MSRB3: variants seen among roughly 807,000 people sequenced by gnomAD.
The protein encoded by MSRB3 is methionine sulfoxide reductase B3.
In MSRB3, 13 loss-of-function variants were observed where a neutral mutation model predicts 21.0. The observed-to-expected ratio is 0.62, with a 90% CI of 0.40 to 0.98. The LOEUF is 0.98. MSRB3 is among the 50% of genes least tolerant of loss of function. The probability of loss-of-function intolerance (pLI) is 0.00; values close to 1 mark genes in which losing one functional copy is unlikely to be tolerated. For synonymous variants in MSRB3, 87 were observed against 88.6 expected (o/e 0.98, Z 0.10); for missense variants, 199 against 230.3 (o/e 0.86, Z 0.88).
At chr12:65,321,579 T>C (rs576617366) in intron 2 of MSRB3, among the ~76,000 whole-genome samples, 1 of 152,198 alleles carries the variant, frequency 6.6e-6, no homozygotes, top group African/African-American at 2.4e-5. Flanking sequence ...TCTACAAATA[T>C]AGGAGCTTTT....
At chr12:65,394,929 G>A (rs1879694367) in intron 5 of MSRB3, among the ~76,000 whole-genome samples, 2 of 152,020 alleles carry the variant, frequency 1.3e-5, no homozygotes, top group Non-Finnish European at 2.9e-5. Flanking sequence ...CTCAATAAAG[G>A]ACATATGAAA....
At chr12:65,350,706 A>G (rs536569425) in intron 4 of MSRB3, among the ~76,000 whole-genome samples, 4,477 of 136,418 alleles carry the variant, frequency 0.033, 93 homozygotes, top group Non-Finnish European at 0.05. Context: ...AGATCAAAAG[A>G]GACAAAGAAG....
chr12:65,460,571 T>C (rs1261390874), intron 6 of MSRB3, among the ~76,000 whole-genome samples: 7 of 152,206 alleles, frequency 4.6e-5, no homozygotes, highest in Non-Finnish European at 8.8e-5. Context: ...CTAAGGCTGC[T>C]ATGACTCTTC....
chr12:65,337,729 T>A (rs770839419), intron 4 of MSRB3, among the ~76,000 whole-genome samples: 1 of 152,328 alleles, frequency 6.6e-6, no homozygotes, highest in Non-Finnish European at 1.5e-5. Flanking sequence ...TCGGTATAAC[T>A]GGCTTTTGAT....
rs768910564 is a variant in MSRB3, at chr12:65,367,977, G to A, written c.264-1021G>A. Among the ~76,000 whole-genome samples the A allele has an allele frequency of 3.9e-4, 59 of 151,986 alleles. 1 individual carries two copies. The highest frequency in any genetic ancestry group is 8.2e-4 in the Non-Finnish European group (56 of 67,984). On this transcript the variant is annotated intron_variant, in intron 4 of 6. Transcript: ENST00000308259. ...TAAGCATCAGCTGAAACTTTGTTTG[G>A]GAGGACTTCAGAAAATGAATGTTTA...
In MSRB3 at chr12:65,436,179, A is replaced by C. The variant is rs138137493; in HGVS notation, c.293-17549A>C. ...AATCCGTATTTTATTTTCACTAATC[A>C]CAATTTCCTTGAATTATGATATATG... On this transcript the variant is annotated intron_variant, in intron 5 of 6. Transcript: ENST00000308259. 1.8e-4 allele frequency among the ~76,000 whole-genome samples: 28 copies of C among 152,018 alleles called. No homozygotes were observed. In the East Asian group the frequency reaches 5.4e-3, roughly 29 times the overall value.
chr12:65,307,223 T>C (rs1200359848), intron 1 of MSRB3, among the ~76,000 whole-genome samples: 1 of 152,196 alleles, frequency 6.6e-6, no homozygotes, highest in African/African-American at 2.4e-5. Context: ...TTAATGGTTC[T>C]TTCAGGCTGT....
intron 5 of MSRB3, among the ~76,000 whole-genome samples, chr12:65,426,714 C>G (rs1027621859): frequency 6.6e-6 from 1 of 152,102 alleles, no homozygotes; most frequent in African/African-American, 2.4e-5. Flanking sequence ...TGATAAATCC[C>G]TTAAGGTTTT....
intron 1 of MSRB3, among the ~76,000 whole-genome samples, chr12:65,302,705 A>C (rs1335115764): frequency 2.0e-5 from 3 of 152,200 alleles, no homozygotes; most frequent in African/African-American, 7.2e-5. Flanking sequence ...TGAGCTATGG[A>C]TTTCAAGCAG....
At chr12:65,305,608 C>T (rs1194866739) in intron 1 of MSRB3, among the ~76,000 whole-genome samples, 1 of 152,172 alleles carries the variant, frequency 6.6e-6, no homozygotes, top group Non-Finnish European at 1.5e-5. Context: ...CTTAACCTCC[C>T]TATGCCTCAG....
rs577856903 is a variant in MSRB3, at chr12:65,348,422, G to A, written c.263+19819G>A. Among the ~76,000 whole-genome samples, 15 of 152,030 alleles carry A rather than the reference G, an allele frequency of 9.9e-5. No homozygotes were observed. In the East Asian group the frequency reaches 2.3e-3, roughly 24 times the overall value. Reference sequence around the variant, plus strand: ...TGGTAGTTTGTATTTCTGTGGGATCGGTGGTGACATCCCCTTTATCATTTT... The same window carrying A: ...TGGTAGTTTGTATTTCTGTGGGATCAGTGGTGACATCCCCTTTATCATTTT... On this transcript the variant is annotated intron_variant, in intron 4 of 6. Transcript: ENST00000308259.
chr12:65,410,222 A>G (rs1391981390), intron 5 of MSRB3, among the ~76,000 whole-genome samples: 1 of 152,094 alleles, frequency 6.6e-6, no homozygotes, highest in Non-Finnish European at 1.5e-5. Flanking sequence ...ATTGCTTTAT[A>G]TATTAAGGAT....
chr12:65,319,305 G>T (rs968575392), intron 2 of MSRB3, among the ~76,000 whole-genome samples: 6 of 152,016 alleles, frequency 3.9e-5, no homozygotes, highest in Admixed American at 1.3e-4. Flanking sequence ...TTTTCATCAG[G>T]ATAGGGTAAT....
intron 2 of MSRB3, among the ~76,000 whole-genome samples, chr12:65,324,890 T>G (rs572403722): frequency 6.6e-5 from 10 of 152,234 alleles, no homozygotes; most frequent in Non-Finnish European, 1.5e-4. Flanking sequence ...CAATTGGTCT[T>G]TTTGTATGAA....
chr12:65,353,981 A>T (rs535628628), intron 4 of MSRB3, among the ~76,000 whole-genome samples: 6,380 of 151,886 alleles, frequency 0.042, 435 homozygotes, highest in African/African-American at 0.15. Context: ...TCCTTCACTT[A>T]TGAAGCTTAG....
chr12:65,418,706 C>T, intron 5 of MSRB3: 1 of 815,988 alleles, frequency 1.2e-6, no homozygotes, highest in Non-Finnish European at 2.1e-6. Flanking sequence ...CCAGAGAGTA[C>T]CCTGCTTCTG....
chr12:65,348,884 T>C (rs1367275522), intron 4 of MSRB3, among the ~76,000 whole-genome samples: 2 of 151,958 alleles, frequency 1.3e-5, no homozygotes, highest in Non-Finnish European at 2.9e-5. Flanking sequence ...AGTTTCCATG[T>C]GGTTGTGCGG....
chr12:65,313,859 A>G (rs980907121), intron 2 of MSRB3, among the ~76,000 whole-genome samples: 2 of 152,198 alleles, frequency 1.3e-5, no homozygotes, highest in East Asian at 1.9e-4. Flanking sequence ...AATTCACAAA[A>G]TAATTTGCAA....
At chr12:65,394,059 T>G (rs535973313) in intron 5 of MSRB3, among the ~76,000 whole-genome samples, 1 of 152,236 alleles carries the variant, frequency 6.6e-6, no homozygotes, top group Admixed American at 6.5e-5. Context: ...GTGGAAAGAT[T>G]ATCTAGTTAC....
Sources: allele counts gnomAD v4.1 joint callset (sites outside exome capture counted in the v4.1 genomes callset), GRCh38; gene constraint gnomAD v4.1.1; transcripts MANE v1.5; gene names NCBI Gene and HGNC (gene_info 2026-07-23, HGNC 2026-07-21).